CDH9: variants seen among roughly 807,000 people sequenced by gnomAD.
CDH9 encodes cadherin-9.
In CDH9, 28 loss-of-function variants were observed where a neutral mutation model predicts 70.9. That is an observed-to-expected ratio of 0.40 (90% confidence interval 0.29 to 0.54). CDH9 has a LOEUF of 0.54. Among genes scored for constraint, CDH9 ranks in the 20% least tolerant of loss-of-function variants. The pLI, the probability that CDH9 is intolerant of heterozygous loss-of-function variation, is 0.59. For synonymous variants in CDH9, 409 were observed against 343.1 expected, an observed-to-expected ratio of 1.19 and a Z score of -2.12; for missense variants, 874 against 984.4, an observed-to-expected ratio of 0.89 and a Z score of 1.50.
rs143531988 is a variant in CDH9, at chr5:27,025,337, A to T, written c.-50+13126T>A. On this transcript the variant is annotated intron_variant, in intron 1 of 11. Transcript: ENST00000231021. ...TAGTAAATACATTGCATATCAGGAG[A>T]TTCAAGAAAAGATGACTGGGCTCAT... Among the ~76,000 whole-genome samples the T allele has an allele frequency of 4.5e-3, 682 of 152,176 alleles. 5 individuals are homozygous for T. Among genetic ancestry groups the T allele is most frequent in the African/African-American group, 0.016 (649 of 41,566 alleles).
At chr5:27,010,890 A>G (rs963356232) in intron 1 of CDH9, among the ~76,000 whole-genome samples, 5 of 152,084 alleles carry the variant, frequency 3.3e-5, no homozygotes, top group Non-Finnish European at 5.9e-5. Context: ...ATGCTATATG[A>G]CCACTGTGGT....
chr5:26,949,715 T>C (rs918917096), intron 2 of CDH9, among the ~76,000 whole-genome samples: 10 of 152,166 alleles, frequency 6.6e-5, no homozygotes, highest in Non-Finnish European at 1.5e-4. Flanking sequence ...GAAATAACAT[T>C]CCTAGAAGGT....
At position 26,997,160 on chromosome 5, in the gene CDH9, C is replaced by T. The variant is rs192813894; in HGVS notation, c.-49-8778G>A. 6.6e-5 allele frequency among the ~76,000 whole-genome samples: 10 copies of T among 151,902 alleles called. No individual in the cohort carries two copies. The East Asian group carries it at 1.5e-3, about 23-fold the overall frequency. ...ATAAAGACTTAGAAACAACCCATTG[C>T]CAGAATATGAGAAAATTAACTGTTG... On this transcript the variant is annotated intron_variant, in intron 1 of 11. Transcript: ENST00000231021.
intron 7 of CDH9, among the ~76,000 whole-genome samples, chr5:26,894,338 A>T (rs1740710696): frequency 6.6e-6 from 1 of 152,146 alleles, no homozygotes; most frequent in Non-Finnish European, 1.5e-5. Flanking sequence ...AGGAATAGCT[A>T]ACAATTGCAA....
intron 7 of CDH9, 45 bp from the exon 8 acceptor site, chr5:26,890,609 A>T: frequency 7.0e-7 from 1 of 1,435,420 alleles, no homozygotes; most frequent in Non-Finnish European, 9.8e-7. Flanking sequence ...TTCTAAGGTT[A>T]TTAGTTCTAC....
intron 1 of CDH9, among the ~76,000 whole-genome samples, chr5:27,006,227 T>C (rs1742863725): frequency 6.6e-6 from 1 of 152,154 alleles, no homozygotes; most frequent in Admixed American, 6.6e-5. Context: ...AAAGAGAGGT[T>C]TAGATAAACA....
At chr5:26,987,382 A>G (rs1447285152) in intron 2 of CDH9, among the ~76,000 whole-genome samples, 1 of 151,978 alleles carries the variant, frequency 6.6e-6, no homozygotes, top group East Asian at 1.9e-4. Context: ...AAGGAAAAGG[A>G]TGATAGATAC....
rs553949772 is a variant in CDH9 at position 26,903,754 on chromosome 5, G to A, written c.882C>T (p.Asp294=). ...TTTCTGCATTTTCCCCCACGTCAGG[G>A]TCATTGGCTTTTATCCTTCCAAGAT... ...GTHLGRIKAN[D]PDVGENAEME... Residue 294 remains aspartate (D), a synonymous_variant, in exon 6 of 12, where the codon GAC becomes GAT. Transcript: ENST00000231021. 11 of 1,607,776 alleles carry A rather than the reference G, an allele frequency of 6.8e-6. No homozygotes were observed. In the South Asian group the frequency reaches 1.2e-4, roughly 18 times the overall value.
At chr5:26,951,151 G>A (rs2112046792) in intron 2 of CDH9, among the ~76,000 whole-genome samples, 1 of 151,974 alleles carries the variant, frequency 6.6e-6, no homozygotes, top group East Asian at 2.0e-4. Flanking sequence ...AAATTAGCCA[G>A]GCATGGTGGC....
chr5:27,004,110 GAAA>G (rs59593576), intron 1 of CDH9, among the ~76,000 whole-genome samples: 3,607 of 106,554 alleles, frequency 0.034, 156 homozygotes, highest in African/African-American at 0.11. Context: ...ATGCCTCTCT[GAAA>G]AAAAAAAAAA....
rs1449545835 is a variant in CDH9, at chr5:26,885,840, C to A, written c.1656G>T (p.Arg552=). ...NKDNTAGIMT[R]KDGYSRNKMS... ...TTTTGTTGCGACTGTAGCCATCTTT[C>A]CGAGTCATGATTCCTGCTGTATTAT... The change falls in exon 11 of 12, where the codon CGG becomes CGT. Residue 552 remains arginine, a synonymous_variant. Coordinates refer to ENST00000231021, the MANE Select transcript of CDH9 (RefSeq NM_016279.4). 1 of 1,613,860 alleles carries A rather than the reference C, an allele frequency of 6.2e-7. No individual in the cohort carries two copies. The highest frequency in any genetic ancestry group is 1.1e-5 in the South Asian group (1 of 91,084).
At chr5:26,919,444 T>C (rs1174028851) in intron 2 of CDH9, among the ~76,000 whole-genome samples, 2 of 152,122 alleles carry the variant, frequency 1.3e-5, no homozygotes, top group African/African-American at 4.8e-5. Flanking sequence ...CCTGCTACCA[T>C]GGGCTAAAGG....
chr5:26,917,337 A>G (rs1741166829), intron 2 of CDH9, among the ~76,000 whole-genome samples: 1 of 151,988 alleles, frequency 6.6e-6, no homozygotes, highest in Non-Finnish European at 1.5e-5. Flanking sequence ...ATTCAGGAGT[A>G]ATAATCTTCA....
At chr5:26,995,143 T>C (rs1742645782) in intron 1 of CDH9, among the ~76,000 whole-genome samples, 5 of 152,196 alleles carry the variant, frequency 3.3e-5, no homozygotes, top group Admixed American at 3.3e-4. Flanking sequence ...TTGCAAGGTA[T>C]TGTGTCTTGC....
chr5:26,911,828 T>C (rs970422631), intron 3 of CDH9, among the ~76,000 whole-genome samples: 2 of 152,092 alleles, frequency 1.3e-5, no homozygotes, highest in African/African-American at 4.8e-5. Flanking sequence ...TTTATTGGAG[T>C]CATTTTATTT....
chr5:27,012,398 A>T (rs903018927), intron 1 of CDH9, among the ~76,000 whole-genome samples: 13 of 152,064 alleles, frequency 8.5e-5, no homozygotes, highest in Admixed American at 4.6e-4. Flanking sequence ...AACAAATTTT[A>T]AAAATCTCTT....
chr5:27,012,766 A>G (rs1310259006), intron 1 of CDH9, among the ~76,000 whole-genome samples: 1 of 152,020 alleles, frequency 6.6e-6, no homozygotes, highest in East Asian at 1.9e-4. Context: ...ACACATTAGC[A>G]TGTTTTCCTT....
chr5:27,018,203 T>C (rs928650029), intron 1 of CDH9, among the ~76,000 whole-genome samples: 1 of 151,866 alleles, frequency 6.6e-6, no homozygotes, highest in Non-Finnish European at 1.5e-5. Context: ...TGAAAAGCCA[T>C]TTAAACTGAT....
intron 3 of CDH9, among the ~76,000 whole-genome samples, chr5:26,911,878 A>T (rs957564750): frequency 6.6e-6 from 1 of 152,138 alleles, no homozygotes; most frequent in Non-Finnish European, 1.5e-5. Flanking sequence ...TAAAAATCCA[A>T]TGTGAAATAT....
Sources: allele counts gnomAD v4.1 joint callset (sites outside exome capture counted in the v4.1 genomes callset), GRCh38; gene constraint gnomAD v4.1.1; transcripts MANE v1.5; gene names NCBI Gene and HGNC (gene_info 2026-07-23, HGNC 2026-07-21).